Variants in MIPOL1 observed in about 807,000 individuals in gnomAD.
MIPOL1 encodes the protein mirror-image polydactyly gene 1 protein.
A neutral mutation model predicts 60.9 loss-of-function variants in MIPOL1; 57 were observed. The ratio of observed to expected loss-of-function variants is 0.94; its 90% CI spans 0.76 to 1.17. The LOEUF (loss-of-function observed/expected upper bound fraction) is 1.17. Ranked by LOEUF, MIPOL1 falls within the 50% of genes most tolerant of loss-of-function variation. The pLI is 0.00. For synonymous variants in MIPOL1, 179 were observed against 168.8 expected, an observed-to-expected ratio of 1.06 and a Z score of -0.47; for missense variants, 551 against 511.6, an observed-to-expected ratio of 1.08 and a Z score of -0.74.
chr14:37,248,209 T>C (rs1440290307), intron 3 of MIPOL1, among the ~76,000 whole-genome samples: 1 of 150,464 alleles, frequency 6.6e-6, no homozygotes, highest in African/African-American at 2.4e-5. Context: ...CACGCCTACA[T>C]ACAAAGAGAC....
chr14:37,231,440 T>G (rs1428846679), intron 1 of MIPOL1, among the ~76,000 whole-genome samples: 2 of 152,140 alleles, frequency 1.3e-5, no homozygotes, highest in Non-Finnish European at 2.9e-5. Flanking sequence ...ACTCAATGAT[T>G]TGCCAAAATA....
chr14:37,352,873 T>G (rs2091508636), intron 9 of MIPOL1, among the ~76,000 whole-genome samples: 1 of 127,194 alleles, frequency 7.9e-6, no homozygotes, highest in Admixed American at 8.7e-5. Context: ...TGACTTCCTC[T>G]TTTCCTAATT....
Position 37,455,860 on chromosome 14 carries a change from AT to A in MIPOL1, c.1031+32917del, listed in dbSNP as rs1033815826. The stretch of plus-strand genomic sequence containing the variant: ...GTTCTGTGAAAATTACGTGATTTTA[AT>A]TTTTTAAATGTGTTTCATTGTGATG... On this transcript the variant is annotated intron_variant, in intron 11 of 12. Coordinates refer to ENST00000684589, the MANE Select transcript of MIPOL1 (RefSeq NM_001388067.1). Among the ~76,000 whole-genome samples the A allele has an allele frequency of 6.6e-5, 10 of 152,138 alleles. No individual in the cohort carries two copies. The South Asian group carries it at 1.2e-3, about 19-fold the overall frequency.
chr14:37,368,353 T>G (rs1672173120), intron 9 of MIPOL1, among the ~76,000 whole-genome samples: 1 of 1,860 alleles, frequency 5.4e-4, no homozygotes, highest in Admixed American at 0.022. Context: ...TAAAACATTT[T>G]GTATACTCAA....
chr14:37,436,437 A>C (rs1044199439), intron 11 of MIPOL1, among the ~76,000 whole-genome samples: 1 of 152,222 alleles, frequency 6.6e-6, no homozygotes, highest in Non-Finnish European at 1.5e-5. Context: ...TAAATGAATT[A>C]AAGATTTTTA....
chr14:37,400,740 T>C (rs953499862), intron 10 of MIPOL1: 1 of 152,188 alleles, frequency 6.6e-6, no homozygotes, highest in Admixed American at 6.5e-5. Context: ...CTGTTAATGG[T>C]TGTGCCCTAC....
intron 11 of MIPOL1, among the ~76,000 whole-genome samples, chr14:37,427,353 T>C (rs1231557075): frequency 6.6e-6 from 1 of 152,140 alleles, no homozygotes; most frequent in African/African-American, 2.4e-5. Context: ...TATGAGGTAC[T>C]TAAAATAGCC....
chr14:37,206,874 G>A lies in MIPOL1; in HGVS notation c.-199+8770G>A, dbSNP rs1055091057. 4.2e-4 allele frequency among the ~76,000 whole-genome samples: 64 copies of A among 152,204 alleles called. 1 individual carries two copies. The highest frequency in any genetic ancestry group is 1.2e-3 in the Admixed American group (18 of 15,280). The stretch of plus-strand genomic sequence containing the variant: ...CCAATTTCTCCCATTTGGAATGGCT[G>A]TATTTACCCAATGCCTGTACCCCCA... On this transcript the variant is annotated intron_variant, in intron 1 of 12. Coordinates refer to ENST00000684589, the MANE Select transcript of MIPOL1 (RefSeq NM_001388067.1).
At chr14:37,299,162 C>T (rs1183804162) in intron 7 of MIPOL1, among the ~76,000 whole-genome samples, 6 of 151,990 alleles carry the variant, frequency 3.9e-5, no homozygotes, top group African/African-American at 1.5e-4. Context: ...ATGGATGAAG[C>T]TGGAAACCAT....
chr14:37,436,803 A>T (rs1042078323), intron 11 of MIPOL1, among the ~76,000 whole-genome samples: 1 of 152,202 alleles, frequency 6.6e-6, no homozygotes, highest in Non-Finnish European at 1.5e-5. Flanking sequence ...ATGTTTACCT[A>T]TAGTTAGGTA....
intron 9 of MIPOL1, among the ~76,000 whole-genome samples, chr14:37,357,708 G>A (rs1260539995): frequency 1.3e-5 from 2 of 151,830 alleles, no homozygotes; most frequent in Non-Finnish European, 2.9e-5. Flanking sequence ...CATTCTGTAG[G>A]TTGTCTCTTC....
chr14:37,291,237 G>T (rs1191307851), intron 7 of MIPOL1, among the ~76,000 whole-genome samples: 1 of 151,960 alleles, frequency 6.6e-6, no homozygotes, highest in Non-Finnish European at 1.5e-5. Flanking sequence ...GAAAATTTTA[G>T]GTCTACAAAT....
chr14:37,333,889 C>G lies in MIPOL1; in HGVS notation c.828+25370C>G, dbSNP rs113312422. 5.4e-3 allele frequency among the ~76,000 whole-genome samples: 821 copies of G among 152,104 alleles called. 9 individuals are homozygous for G. Among genetic ancestry groups the G allele is most frequent in the African/African-American group, 0.018 (730 of 41,548 alleles). On this transcript the variant is annotated intron_variant, in intron 9 of 12. Transcript: ENST00000684589. ...TCACCTGTTGACAACTATAGAAATA[C>G]AGTCGTCTCAAGTTCACATGGAACA...
At chr14:37,296,877 C>T (rs34844597) in intron 7 of MIPOL1, among the ~76,000 whole-genome samples, 45,971 of 151,962 alleles carry the variant, frequency 0.3, 7,204 homozygotes, top group East Asian at 0.46. Flanking sequence ...ACCAGAGGTA[C>T]AAGGAGGAAC....
chr14:37,514,561 C>G (rs1215842623), intron 12 of MIPOL1, among the ~76,000 whole-genome samples: 2 of 151,878 alleles, frequency 1.3e-5, no homozygotes, highest in Non-Finnish European at 2.9e-5. Context: ...CCTTTGTTGT[C>G]TCTATTATTA....
At position 37,549,995 on chromosome 14, in the gene MIPOL1, G is replaced by C. The variant is rs910619568; in HGVS notation, c.*3024G>C. 23 of 151,700 alleles carry C rather than the reference G, an allele frequency of 1.5e-4. No individual in the cohort carries two copies. Among genetic ancestry groups the C allele is most frequent in the Admixed American group, 3.9e-4 (6 of 15,226 alleles). The allele number at this position is 151,700 out of a possible 1,614,324, so 9.4% of individuals were successfully genotyped here. On this transcript the variant is annotated 3_prime_UTR_variant, in exon 13 of 13. Transcript: ENST00000684589. ...AAACCAGTAATAAGCAAAGTTATTG[G>C]TTATAAGCAAGGTATAAGCAGTTAA...
chr14:37,535,967 C>A (rs978931755), intron 12 of MIPOL1, among the ~76,000 whole-genome samples: 13 of 152,042 alleles, frequency 8.6e-5, no homozygotes, highest in African/African-American at 2.9e-4. Context: ...GTGAGTGGGA[C>A]AGTCTCAGCT....
intron 12 of MIPOL1, among the ~76,000 whole-genome samples, chr14:37,538,857 TGCCACCCA>T (rs997391268): frequency 4.6e-5 from 7 of 152,180 alleles, no homozygotes; most frequent in Non-Finnish European, 1.0e-4. Flanking sequence ...TGTTAGCACA[TGCCACCCA>T]GCCCCAGTGG....
intron 11 of MIPOL1, chr14:37,423,937 T>A (rs1173791269): frequency 6.6e-6 from 1 of 152,168 alleles, no homozygotes; most frequent in Non-Finnish European, 1.5e-5. Context: ...GTAAGTGGTA[T>A]TTTTGGATAA....
Sources: allele counts gnomAD v4.1 joint callset (sites outside exome capture counted in the v4.1 genomes callset), GRCh38; gene constraint gnomAD v4.1.1; transcripts MANE v1.5; gene names NCBI Gene and HGNC (gene_info 2026-07-23, HGNC 2026-07-21).